Variants in TMEM117 observed in about 807,000 individuals in gnomAD.
TMEM117 encodes transmembrane protein 117.
Under a neutral mutation model 52.4 loss-of-function variants are expected in TMEM117, and 27 were observed. That is an observed-to-expected ratio of 0.51 (90% CI 0.38 to 0.71). The LOEUF is 0.71. TMEM117 is among the 30% of genes least tolerant of loss of function. The probability of loss-of-function intolerance (pLI) is 0.00; values close to 1 mark genes in which losing one functional copy is unlikely to be tolerated. For synonymous variants in TMEM117, 215 were observed against 206.3 expected, an observed-to-expected ratio of 1.04 and a Z score of -0.36; for missense variants, 556 against 630.5, an observed-to-expected ratio of 0.88 and a Z score of 1.26.
At chr12:44,250,491 T>C (rs1216315526) in intron 5 of TMEM117, among the ~76,000 whole-genome samples, 1 of 152,176 alleles carries the variant, frequency 6.6e-6, no homozygotes, top group Non-Finnish European at 1.5e-5. Context: ...TTACTGGGTA[T>C]ATACCCAGAG....
intron 5 of TMEM117, among the ~76,000 whole-genome samples, chr12:44,273,642 G>A (rs181154285): frequency 5.9e-5 from 9 of 152,044 alleles, no homozygotes; most frequent in Non-Finnish European, 1.5e-5. Context: ...TTTAGCCCTG[G>A]GATGCCAGGA....
At chr12:44,029,132 G>T (rs531792630) in intron 3 of TMEM117, among the ~76,000 whole-genome samples, 3 of 152,248 alleles carry the variant, frequency 2.0e-5, no homozygotes, top group East Asian at 3.9e-4. Context: ...AGGGTTAAAG[G>T]CTTCTCTCAA....
At chr12:44,334,529 G>T (rs979226036) in intron 6 of TMEM117, among the ~76,000 whole-genome samples, 4 of 152,068 alleles carry the variant, frequency 2.6e-5, no homozygotes, top group Admixed American at 2.0e-4. Context: ...TGAAGAATGT[G>T]GTTGGTGCAC....
intron 4 of TMEM117, among the ~76,000 whole-genome samples, chr12:44,203,927 A>G (rs1949530532): frequency 6.6e-6 from 1 of 152,160 alleles, no homozygotes; most frequent in Non-Finnish European, 1.5e-5. Context: ...ATATTCTGTA[A>G]TAAGAGCCAT....
intron 3 of TMEM117, among the ~76,000 whole-genome samples, chr12:44,111,753 G>C (rs966871754): frequency 1.1e-4 from 15 of 142,622 alleles, no homozygotes; most frequent in African/African-American, 3.8e-4. Flanking sequence ...TTCAATTCCT[G>C]GGTATCCTTG....
At chr12:43,814,469 G>A in the TMEM117 span, among the ~76,000 whole-genome samples, 1 of 152,072 alleles carries the variant, frequency 6.6e-6, no homozygotes, top group African/African-American at 2.4e-5. Flanking sequence ...TGCTCGTCCT[G>A]GCCCTCTGTT....
At chr12:44,235,068 A>C (rs1398866605) in intron 5 of TMEM117, among the ~76,000 whole-genome samples, 1 of 151,640 alleles carries the variant, frequency 6.6e-6, no homozygotes, top group Admixed American at 6.6e-5. Context: ...ATAGTAATGG[A>C]GTCCATTTTT....
At chr12:44,088,770 GT>G (rs1947614729) in intron 3 of TMEM117, among the ~76,000 whole-genome samples, 1 of 152,126 alleles carries the variant, frequency 6.6e-6, no homozygotes, top group South Asian at 2.1e-4. Context: ...GGCACAAATG[GT>G]TAACAACTGA....
chr12:43,937,761 A>G (rs1374384073), intron 2 of TMEM117, among the ~76,000 whole-genome samples: 2 of 152,142 alleles, frequency 1.3e-5, no homozygotes, highest in Non-Finnish European at 1.5e-5. Context: ...CACTGGACAA[A>G]TAACTTAAGA....
intron 5 of TMEM117, among the ~76,000 whole-genome samples, chr12:44,211,808 T>C (rs1331988544): frequency 1.3e-5 from 2 of 152,214 alleles, no homozygotes; most frequent in African/African-American, 4.8e-5. Context: ...CATTGGCATT[T>C]CTTCTTTATG....
chr12:43,852,638 G>A (rs1943330771), intron 2 of TMEM117, among the ~76,000 whole-genome samples: 1 of 152,168 alleles, frequency 6.6e-6, no homozygotes, highest in African/African-American at 2.4e-5. Flanking sequence ...AAGCAAGCCT[G>A]TGATGCTTTA....
intron 3 of TMEM117, among the ~76,000 whole-genome samples, chr12:44,007,087 A>G (rs11182375): frequency 0.17 from 25,134 of 152,146 alleles, 3,223 homozygotes; most frequent in African/African-American, 0.36. Flanking sequence ...CATGTACCTT[A>G]TAATAACAAG....
chr12:44,199,149 C>G (rs1364524874), intron 4 of TMEM117, among the ~76,000 whole-genome samples: 1 of 144,530 alleles, frequency 6.9e-6, no homozygotes, highest in Non-Finnish European at 1.5e-5. Flanking sequence ...GATAAAGAGT[C>G]TTTCTTCTTG....
At chr12:44,020,507 T>A (rs555955616) in intron 3 of TMEM117, among the ~76,000 whole-genome samples, 1 of 152,370 alleles carries the variant, frequency 6.6e-6, no homozygotes, top group Non-Finnish European at 1.5e-5. Context: ...CATCATTTAT[T>A]CTGATCTACG....
intron 5 of TMEM117, among the ~76,000 whole-genome samples, chr12:44,241,423 T>A (rs1389634741): frequency 1.3e-5 from 2 of 151,970 alleles, no homozygotes; most frequent in Non-Finnish European, 2.9e-5. Context: ...TTTTAATTTG[T>A]ATTTTTCTTA....
chr12:44,302,942 T>A (rs1425953580), intron 6 of TMEM117, among the ~76,000 whole-genome samples: 1 of 152,222 alleles, frequency 6.6e-6, no homozygotes, highest in African/African-American at 2.4e-5. Context: ...TTAGTGTCAC[T>A]GAAACACCTG....
chr12:44,279,702 C>G (rs1041332617), intron 5 of TMEM117, among the ~76,000 whole-genome samples: 2 of 151,986 alleles, frequency 1.3e-5, no homozygotes, highest in African/African-American at 4.8e-5. Context: ...TTAGTAGAAA[C>G]GGGGTTTCAC....
rs115678397 is a variant in TMEM117 at position 44,149,995 on chromosome 12, A to G, written c.510+6371A>G. On this transcript the variant is annotated intron_variant, in intron 4 of 7. Transcript: ENST00000266534. ...AAGGGTGCAAACCAGATATTTAGCC[A>G]TGGGAGCTGGACCTAAGAGCTGAAC... Among the ~76,000 whole-genome samples, 91 of 152,340 alleles carry G rather than the reference A, an allele frequency of 6.0e-4. 1 individual carries two copies. Among genetic ancestry groups the G allele is most frequent in the African/African-American group, 2.1e-3 (86 of 41,584 alleles).
At chr12:43,982,285 GA>G (rs1451933372) in intron 3 of TMEM117, among the ~76,000 whole-genome samples, 5 of 152,302 alleles carry the variant, frequency 3.3e-5, no homozygotes, top group African/African-American at 9.6e-5. Context: ...AAAATGATCA[GA>G]AGGGTCCAGG....
Sources: gnomAD v4.1 joint callset for allele counts (sites outside exome capture counted in the v4.1 genomes callset) on GRCh38, gnomAD v4.1.1 for gene constraint, MANE v1.5 for transcripts, NCBI Gene and HGNC (gene_info 2026-07-23, HGNC 2026-07-21) for gene names.